ZNF600: variants seen among roughly 807,000 people sequenced by gnomAD.
ZNF600 encodes zinc finger protein KR-ZNF1.
Under a neutral mutation model 7.3 loss-of-function variants are expected in ZNF600, and 4 were observed. That is an observed-to-expected ratio of 0.55 (90% CI 0.27 to 1.25). The LOEUF (loss-of-function observed/expected upper bound fraction) is 1.25. ZNF600 is among the 50% of genes most tolerant of loss of function. The pLI, the probability that ZNF600 is intolerant of heterozygous loss-of-function variation, is 0.12. For missense variants in ZNF600, 911 were observed against 922.1 expected, an observed-to-expected ratio of 0.99 and a Z score of 0.16; for synonymous variants, 290 against 308.9, an observed-to-expected ratio of 0.94 and a Z score of 0.64.
chr19:52,776,035 T>C (rs1037611310), intron 2 of ZNF600, among the ~76,000 whole-genome samples: 5 of 145,584 alleles, frequency 3.4e-5, no homozygotes, highest in African/African-American at 1.0e-4. Context: ...CCAAAAACTG[T>C]TATGATGACA....
chr19:52,803,117 T>C, the ZNF600 span, among the ~76,000 whole-genome samples: 1 of 152,070 alleles, frequency 6.6e-6, no homozygotes, highest in Non-Finnish European at 1.5e-5. Context: ...TGTCACTCTG[T>C]CACCCAGGCT....
chr19:52,766,611 C>G, exon 4 of ZNF600: 1 of 1,614,154 alleles, frequency 6.2e-7, no homozygotes, highest in Non-Finnish European at 8.5e-7. Flanking sequence ...AGATTTCTCT[C>G]CACCATGAAG....
chr19:52,810,469 G>T, the ZNF600 span: 1 of 1,588,394 alleles, frequency 6.3e-7, no homozygotes, highest in Non-Finnish European at 8.6e-7. Context: ...AGTCAGTGAG[G>T]ACTTCCTTGG....
At chr19:52,784,143 C>T (rs747333334) in intron 1 of ZNF600, among the ~76,000 whole-genome samples, 18 of 152,214 alleles carry the variant, frequency 1.2e-4, no homozygotes, top group Non-Finnish European at 2.4e-4. Flanking sequence ...AATCCCAGTA[C>T]TTTGCAAGGC....
chr19:52,804,470 C>T, the ZNF600 span, among the ~76,000 whole-genome samples: 2 of 152,006 alleles, frequency 1.3e-5, no homozygotes, highest in Non-Finnish European at 2.9e-5. Context: ...TCCTGGGTTC[C>T]AGTGATTCTC....
chr19:52,828,017 T>A, the ZNF600 span, among the ~76,000 whole-genome samples: 3 of 152,088 alleles, frequency 2.0e-5, no homozygotes, highest in Non-Finnish European at 4.4e-5. Flanking sequence ...AGTATATCCA[T>A]GCAAAACAGG....
At chr19:52,811,791 G>A in the ZNF600 span, among the ~76,000 whole-genome samples, 3 of 146,112 alleles carry the variant, frequency 2.1e-5, no homozygotes, top group South Asian at 2.2e-4. Context: ...CCGGCCAGCC[G>A]CCCCGTCCGG....
the ZNF600 span, among the ~76,000 whole-genome samples, chr19:52,829,262 T>C: frequency 6.6e-6 from 1 of 151,532 alleles, no homozygotes; most frequent in African/African-American, 2.4e-5. Context: ...ATGTGCACAT[T>C]GTGCAGGTTA....
chr19:52,798,939 G>A, the ZNF600 span: 6 of 1,422,194 alleles, frequency 4.2e-6, 1 homozygote, highest in East Asian at 2.9e-5. Context: ...CACTTGTAAG[G>A]TTTCTCTCCA....
At chr19:52,829,686 G>T in the ZNF600 span, among the ~76,000 whole-genome samples, 3 of 151,592 alleles carry the variant, frequency 2.0e-5, no homozygotes, top group Non-Finnish European at 4.4e-5. Flanking sequence ...CCATTGTTTT[G>T]TGTTCAGTAG....
At chr19:52,808,743 G>C in the ZNF600 span, among the ~76,000 whole-genome samples, 4,182 of 152,218 alleles carry the variant, frequency 0.027, 71 homozygotes, top group African/African-American at 0.04. Context: ...GACCCTGAGG[G>C]TGGAGGTTGC....
At chr19:52,826,387 G>A in the ZNF600 span, among the ~76,000 whole-genome samples, 1 of 151,962 alleles carries the variant, frequency 6.6e-6, no homozygotes, top group Non-Finnish European at 1.5e-5. Flanking sequence ...CCTGACCAAT[G>A]TGGTGAAACC....
At chr19:52,832,727 A>G in the ZNF600 span, among the ~76,000 whole-genome samples, 4 of 152,124 alleles carry the variant, frequency 2.6e-5, no homozygotes, top group Non-Finnish European at 4.4e-5. Flanking sequence ...AAATTGTGCC[A>G]TTGTACTCCA....
chr19:52,773,459 C>G (rs1441156579), intron 3 of ZNF600, among the ~76,000 whole-genome samples: 1 of 140,156 alleles, frequency 7.1e-6, no homozygotes, highest in African/African-American at 2.7e-5. Flanking sequence ...TGTGTAGATT[C>G]CAGAAATGTG....
chr19:52,820,936 A>G, the ZNF600 span, among the ~76,000 whole-genome samples: 1,650 of 151,490 alleles, frequency 0.011, 38 homozygotes, highest in African/African-American at 0.037. Context: ...TTTGGCCCAC[A>G]CGATCACACG....
At chr19:52,817,894 C>G in the ZNF600 span, 9 of 1,608,498 alleles carry the variant, frequency 5.6e-6, no homozygotes, top group Admixed American at 1.7e-5. Flanking sequence ...CAAGGCCCAG[C>G]GTTTCTGAAA....
the ZNF600 span, among the ~76,000 whole-genome samples, chr19:52,819,146 C>T: frequency 1.0e-4 from 14 of 138,874 alleles, 2 homozygotes; most frequent in African/African-American, 4.0e-4. Context: ...GTGACTGGGG[C>T]AGAGGGAGTC....
At chr19:52,829,946 G>A in the ZNF600 span, among the ~76,000 whole-genome samples, 1 of 152,168 alleles carries the variant, frequency 6.6e-6, no homozygotes, top group Non-Finnish European at 1.5e-5. Flanking sequence ...AAGCTGCAAT[G>A]TGTGAAGCCA....
chr19:52,802,244 CTGT>C, the ZNF600 span, among the ~76,000 whole-genome samples: 1 of 152,194 alleles, frequency 6.6e-6, no homozygotes, highest in Non-Finnish European at 1.5e-5. Flanking sequence ...TGGCCCGTGC[CTGT>C]ACTCACAGCT....
Sources: allele counts gnomAD v4.1 joint callset (sites outside exome capture counted in the v4.1 genomes callset), GRCh38; gene constraint gnomAD v4.1.1; transcripts MANE v1.5; gene names NCBI Gene and HGNC (gene_info 2026-07-23, HGNC 2026-07-21).